The following SLC27A4 variants were observed in gnomAD, a reference collection of about 807,000 sequenced individuals.
SLC27A4 encodes solute carrier family 27 member 4.
In SLC27A4, 33 loss-of-function variants were observed where a neutral mutation model predicts 64.4. That is an observed-to-expected ratio of 0.51 (90% CI 0.39 to 0.68). The LOEUF is 0.68. SLC27A4 is among the 30% of genes least tolerant of loss of function. The pLI is 0.00. For missense variants in SLC27A4, 824 were observed against 883.5 expected (o/e 0.93, Z 0.85); for synonymous variants, 377 against 370.0 (o/e 1.02, Z -0.22).
Position 128,353,009 on chromosome 9 carries a change from C to T in SLC27A4, c.988-16C>T, listed in dbSNP as rs770440425. ...GCAGCCTCTGGAGCCTCGAATCACACCAAGTTCACCCCCAGATTGTGCAGT... is the reference window on the plus strand; with the variant it reads ...GCAGCCTCTGGAGCCTCGAATCACATCAAGTTCACCCCCAGATTGTGCAGT... On this transcript the variant is annotated splice_polypyrimidine_tract_variant and intron_variant, in intron 7 of 12. Coordinates refer to ENST00000300456, the MANE Select transcript of SLC27A4 (RefSeq NM_005094.4). This position sits in a 1 kb window ranked among gnomAD's most constrained non-coding sequence, Gnocchi z 4.9. 5 of 1,607,878 alleles carry T rather than the reference C, an allele frequency of 3.1e-6. No homozygotes were observed. Among genetic ancestry groups the T allele is most frequent in the Non-Finnish European group, 4.3e-6 (5 of 1,176,084 alleles).
chr9:128,354,953 CAAAA>C (rs139411337), intron 9 of SLC27A4, 96 bp from the exon 10 acceptor site: 5,618 of 718,970 alleles, frequency 7.8e-3, no homozygotes, highest in Middle Eastern at 0.014. Flanking sequence ...AACTCCGTCT[CAAAA>C]AAAAAAAAAA....
intron 12 of SLC27A4, among the ~76,000 whole-genome samples, chr9:128,356,280 C>T (rs1056639681): frequency 7.9e-5 from 12 of 152,240 alleles, no homozygotes; most frequent in Admixed American, 6.5e-4. Flanking sequence ...GACTTTATGG[C>T]GGTGGGAGGC....
At position 128,355,661 on chromosome 9, in the gene SLC27A4, C is replaced by T. The variant is rs1360036526; in HGVS notation, c.1639C>T (p.Arg547Trp). Residue 547 changes from arginine (R) to tryptophan (W), a missense_variant, in exon 12 of 13, where the codon CGG (arginine) becomes TGG (tryptophan). By Grantham distance (101) the Arg-to-Trp change is moderately radical (BLOSUM62 -3). Transcript: ENST00000300456. ...YGVEVPGTEG[R>W]AGMAAVASPT... ...CCTGCCACCCCCAGGAACCGAGGGC[C>T]GGGCCGGAATGGCTGCTGTGGCCAG... The T allele has an allele frequency of 4.3e-6, 7 of 1,611,224 alleles. No individual in the cohort carries two copies. The highest frequency in any genetic ancestry group is 1.1e-5 in the South Asian group (1 of 91,088).
chr9:128,351,281 G>C, intron 6 of SLC27A4, among the ~76,000 whole-genome samples: 1 of 145,486 alleles, frequency 6.9e-6, no homozygotes, highest in East Asian at 2.0e-4. Context: ...AAAAAAATTA[G>C]CTGGGTCTGG....
At chr9:128,349,662 C>T (rs2131260544) in intron 4 of SLC27A4, among the ~76,000 whole-genome samples, 1 of 152,294 alleles carries the variant, frequency 6.6e-6, no homozygotes, top group East Asian at 1.9e-4. Flanking sequence ...CATGAGGTGT[C>T]TCGGCAGGCA....
chr9:128,355,823 CG>C (rs753012144), intron 12 of SLC27A4, 27 bp downstream of exon 12: 2 of 1,611,302 alleles, frequency 1.2e-6, no homozygotes, highest in South Asian at 2.2e-5. Flanking sequence ...CTCCAGCTCT[CG>C]GATCCCAGGT....
rs1042519764 is a variant in SLC27A4 at position 128,345,778 on chromosome 9, G to A, written c.556+229G>A. 6.6e-6 allele frequency among the ~76,000 whole-genome samples: 1 copy of A among 152,182 alleles called. No individual in the cohort carries two copies. Among genetic ancestry groups the A allele is most frequent in the Non-Finnish European group, 1.5e-5 (1 of 68,028 alleles). The stretch of plus-strand genomic sequence containing the variant: ...CCTACCTCATACTGTTTTCAAAAAG[G>A]TACTTCAGACTGGGCATAGTGGCTC... On this transcript the variant is annotated intron_variant, in intron 3 of 12. Coordinates refer to ENST00000300456, the MANE Select transcript of SLC27A4 (RefSeq NM_005094.4). The surrounding 1 kb of genome is among the most constrained non-coding windows in gnomAD (Gnocchi z 4.1).
rs1466225847 is a variant in SLC27A4 at position 128,360,273 on chromosome 9, G to A, written c.1775-61G>A. The A allele has an allele frequency of 2.5e-6, 4 of 1,592,978 alleles. No individual in the cohort carries two copies. The African/African-American group carries it at 4.0e-5, about 16-fold the overall frequency. ...CTCCCTGCCTTCCTCAGTACTGGTG[G>A]TTGGGAAGCTGGGAGCTCGGGCCCC... On this transcript the variant is annotated intron_variant, in intron 12 of 12. Coordinates refer to ENST00000300456, the MANE Select transcript of SLC27A4 (RefSeq NM_005094.4).
rs746825516 is a variant in SLC27A4 at position 128,350,361 on chromosome 9, C to T, written c.765C>T (p.Ala255=). The change falls in exon 5 of 13, where the codon GCC becomes GCT. Residue 255 remains alanine (A), a synonymous_variant. Coordinates refer to ENST00000300456, the MANE Select transcript of SLC27A4 (RefSeq NM_005094.4). ...YTSGTTGLPK[A]AIVVHSRYYR... ...CCGGCACCACAGGGCTGCCCAAGGC[C>T]GCCATCGTGGTGCACAGCAGGTAAG... 20 of 1,613,280 alleles carry T rather than the reference C, an allele frequency of 1.2e-5. No individual in the cohort carries two copies. The highest frequency in any genetic ancestry group is 4.5e-5 in the East Asian group (2 of 44,888).
chr9:128,340,980 AG>A, intron 1 of SLC27A4, 142 bp downstream of exon 1: 1 of 480,658 alleles, frequency 2.1e-6, no homozygotes, highest in Non-Finnish European at 3.8e-6. Flanking sequence ...CTTGCTGTCT[AG>A]GGGCGAGGGC....
At chr9:128,352,086 T>C (rs918357882) in intron 6 of SLC27A4, among the ~76,000 whole-genome samples, 1 of 150,190 alleles carries the variant, frequency 6.7e-6, no homozygotes. Context: ...TCCCAGCTAC[T>C]CGGGAGGATG....
At position 128,353,972 on chromosome 9, in the gene SLC27A4, T is replaced by C. The variant is rs1217872053; in HGVS notation, c.1324+431T>C. 2.6e-5 allele frequency among the ~76,000 whole-genome samples: 4 copies of C among 151,544 alleles called. No homozygotes were observed. Among genetic ancestry groups the C allele is most frequent in the African/African-American group, 7.3e-5 (3 of 41,062 alleles). On this transcript the variant is annotated intron_variant, in intron 9 of 12. Transcript: ENST00000300456. The surrounding 1 kb of genome is among the most constrained non-coding windows in gnomAD (Gnocchi z 4.9). ...TTTAGCCGGGATGGTCTCGATCTCC[T>C]GACCTCGTGATCCGCCCGCCTCGGC...
chr9:128,348,396 C>G (rs1832688189), intron 3 of SLC27A4, 149 bp from the exon 4 acceptor site: 1 of 909,198 alleles, frequency 1.1e-6, no homozygotes, highest in Non-Finnish European at 1.8e-6. Context: ...TGCCGGTGCC[C>G]CTGTCAACAC....
intron 1 of SLC27A4, chr9:128,342,826 A>G: frequency 2.0e-6 from 1 of 507,700 alleles, no homozygotes; most frequent in Non-Finnish European, 3.6e-6. Flanking sequence ...AAGGTCTAAA[A>G]TGTGAAAAGG....
intron 2 of SLC27A4, among the ~76,000 whole-genome samples, chr9:128,343,515 G>A (rs900791974): frequency 5.9e-5 from 9 of 152,218 alleles, no homozygotes; most frequent in African/African-American, 2.2e-4. Flanking sequence ...CCTAACTTGA[G>A]GCTCCCAGGC....
rs1564402253 is a variant in SLC27A4, at chr9:128,353,354, C to T, written c.1198-61C>T. ...GTGGGTGCTGGAGTCCCACTTCCCC[C>T]TCATTGTCCAGTTTTGGGCCCATGG... is the stretch of plus-strand genomic sequence containing the variant. On this transcript the variant is annotated intron_variant, in intron 8 of 12. Coordinates refer to ENST00000300456, the MANE Select transcript of SLC27A4 (RefSeq NM_005094.4). This position sits in a 1 kb window ranked among gnomAD's most constrained non-coding sequence, Gnocchi z 4.9. 3 of 1,613,830 alleles carry T rather than the reference C, an allele frequency of 1.9e-6. No homozygotes were observed. The highest frequency in any genetic ancestry group is 2.5e-6 in the Non-Finnish European group (3 of 1,179,856).
chr9:128,355,336 G>A, intron 10 of SLC27A4, 62 bp from the exon 11 acceptor site: 1 of 1,608,920 alleles, frequency 6.2e-7, no homozygotes, highest in Non-Finnish European at 8.5e-7. Context: ...AAGCCTCCCT[G>A]GCTTGAGCCC....
At position 128,360,528 on chromosome 9, in the gene SLC27A4, T is replaced by C; in HGVS notation, c.*37T>C. The C allele has an allele frequency of 6.2e-7, 1 of 1,611,234 alleles. No individual in the cohort carries two copies. The highest frequency in any genetic ancestry group is 8.5e-7 in the Non-Finnish European group (1 of 1,179,232). On this transcript the variant is annotated 3_prime_UTR_variant, in exon 13 of 13. Coordinates refer to ENST00000300456, the MANE Select transcript of SLC27A4 (RefSeq NM_005094.4). ...CCTCTGAGGGCCGGCGGATGCTGGA[T>C]CCGGAGCCCCAGGTTCCGCCCCAGA... is the stretch of plus-strand genomic sequence containing the variant.
chr9:128,359,280 G>A (rs1004175908), intron 12 of SLC27A4, among the ~76,000 whole-genome samples: 1 of 152,168 alleles, frequency 6.6e-6, no homozygotes, highest in Non-Finnish European at 1.5e-5. Flanking sequence ...CTTGAGCCCA[G>A]GAGTTCAAGA....
Sources: allele counts gnomAD v4.1 joint callset (sites outside exome capture counted in the v4.1 genomes callset), GRCh38; gene constraint gnomAD v4.1.1; non-coding constraint Gnocchi (gnomAD v3.1); transcripts MANE v1.5; gene names NCBI Gene and HGNC (gene_info 2026-07-23, HGNC 2026-07-21).